Variants in CAMTA1 observed in about 807,000 individuals in gnomAD.
CAMTA1 encodes calmodulin binding transcription activator 1, also known as calmodulin-binding transcription activator 1.
In CAMTA1, 27 loss-of-function variants were observed where a neutral mutation model predicts 170.9. The ratio of observed to expected loss-of-function variants is 0.16; its 90% CI spans 0.12 to 0.22. CAMTA1 has a LOEUF of 0.22. CAMTA1 is among the 10% of genes least tolerant of loss of function. The probability of loss-of-function intolerance (pLI) is 1.00; values close to 1 mark genes in which losing one functional copy is unlikely to be tolerated. For missense variants in CAMTA1, 1,619 were observed against 2,217.2 expected, an observed-to-expected ratio of 0.73 and a Z score of 5.42; for synonymous variants, 833 against 891.5, an observed-to-expected ratio of 0.93 and a Z score of 1.17.
chr1:7,656,544 G>A (rs1225966198), intron 7 of CAMTA1, among the ~76,000 whole-genome samples: 1 of 152,232 alleles, frequency 6.6e-6, no homozygotes, highest in Non-Finnish European at 1.5e-5. Flanking sequence ...TTTGGTGGGG[G>A]ACACAATTCA....
intron 6 of CAMTA1, among the ~76,000 whole-genome samples, chr1:7,531,839 C>G (rs2094495894): frequency 6.6e-6 from 1 of 152,232 alleles, no homozygotes; most frequent in Admixed American, 6.5e-5. Flanking sequence ...GGCAGGTTGC[C>G]CTGTGAGCTG....
intron 22 of CAMTA1, among the ~76,000 whole-genome samples, chr1:7,756,139 T>C (rs541521966): frequency 6.6e-6 from 1 of 152,014 alleles, no homozygotes; most frequent in South Asian, 2.1e-4. Flanking sequence ...TTTTTTTTAA[T>C]GAATCTATTT....
chr1:7,108,857 A>G (rs1396572271), intron 4 of CAMTA1, among the ~76,000 whole-genome samples: 1 of 152,186 alleles, frequency 6.6e-6, no homozygotes, highest in Non-Finnish European at 1.5e-5. Context: ...CAACTTAGCC[A>G]GGTCTCAAGG....
At chr1:7,579,716 T>C (rs1414582330) in intron 6 of CAMTA1, among the ~76,000 whole-genome samples, 3 of 151,974 alleles carry the variant, frequency 2.0e-5, no homozygotes, top group East Asian at 1.9e-4. Context: ...CCCACCACCA[T>C]GCCCGGCTAA....
At chr1:7,097,977 T>G (rs1396470152) in intron 4 of CAMTA1, among the ~76,000 whole-genome samples, 1 of 152,172 alleles carries the variant, frequency 6.6e-6, no homozygotes, top group Non-Finnish European at 1.5e-5. Flanking sequence ...CACTTAAAAA[T>G]GGTGAAAGTG....
At chr1:7,523,805 C>G (rs1355581817) in intron 6 of CAMTA1, among the ~76,000 whole-genome samples, 1 of 151,894 alleles carries the variant, frequency 6.6e-6, no homozygotes, top group Admixed American at 6.6e-5. Context: ...ATGGCGTGAA[C>G]CTGGGAGGCA....
At chr1:7,126,576 A>T (rs949566334) in intron 4 of CAMTA1, among the ~76,000 whole-genome samples, 1 of 152,260 alleles carries the variant, frequency 6.6e-6, no homozygotes, top group Non-Finnish European at 1.5e-5. Flanking sequence ...CACATTAAAA[A>T]TACAAGGGTT....
At chr1:6,890,130 T>G (rs1237911953) in intron 3 of CAMTA1, among the ~76,000 whole-genome samples, 1 of 152,206 alleles carries the variant, frequency 6.6e-6, no homozygotes, top group Admixed American at 6.5e-5. Flanking sequence ...TTCCGGAGGC[T>G]CTGCTGAAGA....
chr1:7,292,117 G>GT (rs1274581806), intron 5 of CAMTA1, among the ~76,000 whole-genome samples: 1 of 152,018 alleles, frequency 6.6e-6, no homozygotes, highest in Non-Finnish European at 1.5e-5. Flanking sequence ...AAATCAAATT[G>GT]GAGATCTAAG....
chr1:7,047,342 A>C (rs1465585724), intron 3 of CAMTA1, among the ~76,000 whole-genome samples: 1 of 152,238 alleles, frequency 6.6e-6, no homozygotes, highest in African/African-American at 2.4e-5. Flanking sequence ...AGACAAGGTT[A>C]CACTTCAGCA....
intron 6 of CAMTA1, among the ~76,000 whole-genome samples, chr1:7,489,140 T>C (rs955175035): frequency 6.6e-6 from 1 of 152,204 alleles, no homozygotes; most frequent in South Asian, 2.1e-4. Context: ...ATGGCTATTA[T>C]TTGGGGCCTC....
chr1:7,374,598 GA>G (rs1182209601), intron 5 of CAMTA1, among the ~76,000 whole-genome samples: 1 of 152,230 alleles, frequency 6.6e-6, no homozygotes, highest in Non-Finnish European at 1.5e-5. Context: ...TGGCTCTAGA[GA>G]TGCCACACCT....
intron 11 of CAMTA1, among the ~76,000 whole-genome samples, chr1:7,712,357 G>C (rs957446754): frequency 6.6e-6 from 1 of 151,260 alleles, no homozygotes. Context: ...GTCTGACTCT[G>C]ATGCCCAGGC....
intron 4 of CAMTA1, among the ~76,000 whole-genome samples, chr1:7,196,127 C>T (rs1655482485): frequency 6.6e-6 from 1 of 152,144 alleles, no homozygotes; most frequent in Non-Finnish European, 1.5e-5. Flanking sequence ...TCAGGTTTCC[C>T]CCTTGCTGTT....
intron 3 of CAMTA1, among the ~76,000 whole-genome samples, chr1:6,989,066 A>G (rs1695883669): frequency 6.6e-6 from 1 of 152,216 alleles, no homozygotes; most frequent in South Asian, 2.1e-4. Context: ...GGCAGGGGAC[A>G]TGACAGGGCA....
chr1:7,360,523 G>T (rs190094110), intron 5 of CAMTA1, among the ~76,000 whole-genome samples: 12 of 152,318 alleles, frequency 7.9e-5, no homozygotes, highest in Admixed American at 7.8e-4. Context: ...TGCAAAATAG[G>T]GTTAACACTA....
rs1481894465 is a variant in CAMTA1, at chr1:7,769,183, C to G, written c.*2692C>G. The G allele has an allele frequency of 1.3e-5, 2 of 152,700 alleles. No individual in the cohort carries two copies. Among genetic ancestry groups the G allele is most frequent in the East Asian group, 3.7e-4 (2 of 5,336 alleles). 9.5% of individuals were successfully genotyped at this position (152,700 alleles called of 1,614,324 possible). On this transcript the variant is annotated 3_prime_UTR_variant, in exon 23 of 23. Transcript: ENST00000303635. ...TCCTAGGCGAGGCAAAAATGCACTT[C>G]CACTGAAACGAAGCATTTCTGACCG...
chr1:7,152,801 T>A (rs955849570), intron 4 of CAMTA1, among the ~76,000 whole-genome samples: 1 of 152,172 alleles, frequency 6.6e-6, no homozygotes, highest in Non-Finnish European at 1.5e-5. Context: ...TTTGCCCTGA[T>A]TAATTTGGCA....
chr1:6,810,965 G>A (rs1250376050), intron 1 of CAMTA1, among the ~76,000 whole-genome samples: 3 of 152,204 alleles, frequency 2.0e-5, no homozygotes, highest in African/African-American at 7.2e-5. Flanking sequence ...GCTTTCAGAG[G>A]CGGAAGTTTT....
Sources: allele counts gnomAD v4.1 joint callset (sites outside exome capture counted in the v4.1 genomes callset), GRCh38; gene constraint gnomAD v4.1.1; transcripts MANE v1.5; gene names NCBI Gene and HGNC (gene_info 2026-07-23, HGNC 2026-07-21).